CD99L2: variants seen among roughly 807,000 people sequenced by gnomAD.
CD99L2 encodes CD99 antigen-like protein 2.
Under a neutral mutation model 27.3 loss-of-function variants are expected in CD99L2, and 24 were observed. The ratio of observed to expected loss-of-function variants is 0.88; its 90% CI spans 0.64 to 1.24. The LOEUF (loss-of-function observed/expected upper bound fraction) is 1.24. Among genes scored for constraint, CD99L2 ranks in the 50% most tolerant of loss-of-function variants. The pLI, the probability that CD99L2 is intolerant of heterozygous loss-of-function variation, is 0.00. For missense variants in CD99L2, 255 were observed against 221.6 expected, an observed-to-expected ratio of 1.15 and a Z score of -0.96; for synonymous variants, 97 against 87.9, an observed-to-expected ratio of 1.10 and a Z score of -0.58.
chrX:150,793,045 T>G (rs1569565916), intron 7 of CD99L2, among the ~76,000 whole-genome samples: 1 of 111,705 alleles, frequency 9.0e-6, no homozygotes. Flanking sequence ...TTTATAGACC[T>G]ACCCATACTC....
intron 1 of CD99L2, among the ~76,000 whole-genome samples, chrX:150,893,514 C>T (rs150898287): frequency 5.3e-4 from 58 of 108,752 alleles, no homozygotes; most frequent in African/African-American, 1.8e-3. Flanking sequence ...TCTGCTCTTA[C>T]GCCCCCCGAA....
chrX:150,815,901 T>C (rs969239996), intron 3 of CD99L2, 106 bp downstream of exon 3: 1 of 785,031 alleles, frequency 1.3e-6, no homozygotes, highest in Non-Finnish European at 2.0e-6. Flanking sequence ...CTTGATTGTT[T>C]CTGCACACAT....
At position 150,768,793 on chromosome X, in the gene CD99L2, G is replaced by C; in HGVS notation, c.*241C>G. The stretch of plus-strand genomic sequence containing the variant: ...GGGAGTTGGTGGCTCAGCAGCTCCC[G>C]AGGCTGGTGCTGGCTTTCTATCAGA... On this transcript the variant is annotated 3_prime_UTR_variant, in exon 11 of 11. Transcript: ENST00000370377. The C allele has an allele frequency of 6.8e-6, 5 of 734,378 alleles. No homozygotes were observed. The highest frequency in any genetic ancestry group is 7.1e-6 in the Non-Finnish European group (4 of 562,799). The allele number at this position is 734,378 out of a possible 1,213,427, so 60.5% of individuals were successfully genotyped here.
At chrX:150,865,280 T>C (rs1213941626) in intron 1 of CD99L2, among the ~76,000 whole-genome samples, 1 of 109,280 alleles carries the variant, frequency 9.2e-6, no homozygotes, top group Non-Finnish European at 1.9e-5. Context: ...GGAGGATCTC[T>C]TGAGGCCAAG....
intron 7 of CD99L2, 131 bp downstream of exon 7, chrX:150,793,560 G>T (rs1160554757): frequency 2.0e-6 from 1 of 500,935 alleles, no homozygotes; most frequent in Non-Finnish European, 3.2e-6. Flanking sequence ...CATTCCAAAT[G>T]AACCCCAACT....
At position 150,769,272 on chromosome X, in the gene CD99L2, G is replaced by A. The variant is rs375980333; in HGVS notation, c.722-171C>T. On this transcript the variant is annotated intron_variant, in intron 10 of 10. Coordinates refer to ENST00000370377, the MANE Select transcript of CD99L2 (RefSeq NM_031462.4). ...TGGGAGCAGTTTTGGGCCGGTCAAG[G>A]GGAGAGAAAGAGAAAGCTGGACAGG... Among the ~76,000 whole-genome samples, 60 of 112,200 alleles carry A rather than the reference G, an allele frequency of 5.3e-4. 1 individual carries two copies. In the South Asian group the frequency reaches 0.021, roughly 39 times the overall value.
chrX:150,898,651 G>A lies in CD99L2; in HGVS notation c.-63C>T. ...TAGCGCGAGAGCGCCCGAAGGGGAGGCCGAGGAGGAGCGGGAGGAGGAGCC... is the reference window on the plus strand; with the variant it reads ...TAGCGCGAGAGCGCCCGAAGGGGAGACCGAGGAGGAGCGGGAGGAGGAGCC... On this transcript the variant is annotated 5_prime_UTR_variant, in exon 1 of 11. Transcript: ENST00000370377. 4 of 1,000,822 alleles carry A rather than the reference G, an allele frequency of 4.0e-6. No individual in the cohort carries two copies. Among genetic ancestry groups the A allele is most frequent in the Non-Finnish European group, 5.2e-6 (4 of 769,078 alleles). 82.5% of individuals were successfully genotyped at this position (1,000,822 alleles called of 1,213,427 possible).
intron 1 of CD99L2, among the ~76,000 whole-genome samples, chrX:150,848,824 TG>T (rs1557421532): frequency 1.8e-5 from 2 of 111,566 alleles, no homozygotes; most frequent in African/African-American, 6.5e-5. Context: ...ATTCATTCGT[TG>T]GAAGAGTCAC....
chrX:150,775,516 T>C (rs2043533931), intron 9 of CD99L2, among the ~76,000 whole-genome samples: 1 of 112,709 alleles, frequency 8.9e-6, no homozygotes, highest in South Asian at 3.6e-4. Flanking sequence ...GACTCACAGC[T>C]ACAGCATGAG....
chrX:150,886,843 G>A (rs1004008691), intron 1 of CD99L2, among the ~76,000 whole-genome samples: 2 of 111,675 alleles, frequency 1.8e-5, no homozygotes, highest in Non-Finnish European at 3.8e-5. Flanking sequence ...CAGTGCCATG[G>A]TTGAAAAACT....
chrX:150,824,640 GAGA>G (rs369112631), intron 2 of CD99L2, among the ~76,000 whole-genome samples: 3,500 of 64,623 alleles, frequency 0.054, 196 homozygotes, highest in African/African-American at 0.18. Flanking sequence ...GAAGAAGGAG[GAGA>G]AGAAGAAGAA....
chrX:150,805,041 A>T (rs2045973372), intron 4 of CD99L2, among the ~76,000 whole-genome samples: 1 of 111,587 alleles, frequency 9.0e-6, no homozygotes. Context: ...ATAAAACAAA[A>T]TAAAAATAAA....
chrX:150,794,644 G>C (rs2045759769), intron 6 of CD99L2, among the ~76,000 whole-genome samples: 1 of 112,132 alleles, frequency 8.9e-6, no homozygotes, highest in African/African-American at 3.2e-5. Context: ...TTGGGGCCAA[G>C]TTTTGGTGTC....
chrX:150,824,092 AGAAGAAGGAAGAAG>A (rs201141503), intron 2 of CD99L2, among the ~76,000 whole-genome samples: 23 of 70,813 alleles, frequency 3.2e-4, no homozygotes, highest in East Asian at 4.4e-4. Context: ...AGAAGAAGAA[AGAAGAAGGAAGAAG>A]GAAGAAGGAA....
intron 2 of CD99L2, among the ~76,000 whole-genome samples, chrX:150,820,270 A>C (rs1227882267): frequency 9.0e-6 from 1 of 110,632 alleles, no homozygotes; most frequent in African/African-American, 3.3e-5. Flanking sequence ...AGGAGAAAAA[A>C]AAAAAAAAGA....
At chrX:150,842,256 G>C (rs782104761) in intron 1 of CD99L2, among the ~76,000 whole-genome samples, 1 of 112,253 alleles carries the variant, frequency 8.9e-6, no homozygotes, top group South Asian at 3.7e-4. Context: ...CATAAGAAAA[G>C]TGCTGTTTCC....
At chrX:150,774,280 C>A (rs1283793154) in intron 9 of CD99L2, among the ~76,000 whole-genome samples, 3 of 111,904 alleles carry the variant, frequency 2.7e-5, no homozygotes, top group Admixed American at 9.5e-5. Context: ...CCCAAGAGGC[C>A]ACCTTGAGAA....
chrX:150,828,707 C>T (rs1437633996), intron 2 of CD99L2: 1 of 111,243 alleles, frequency 9.0e-6, no homozygotes, highest in African/African-American at 3.3e-5. Flanking sequence ...ATTATTTTGT[C>T]CATCATATTG....
chrX:150,898,642 GA>G lies in CD99L2; in HGVS notation c.-55del. 1 of 1,031,223 alleles carries G rather than the reference GA, an allele frequency of 9.7e-7. No homozygotes were observed. The highest frequency in any genetic ancestry group is 2.3e-5 in the South Asian group (1 of 42,951). The allele number at this position is 1,031,223 out of a possible 1,213,427, so 85.0% of individuals were successfully genotyped here. On this transcript the variant is annotated 5_prime_UTR_variant, in exon 1 of 11. Transcript: ENST00000370377. ...GAGCACAGTTAGCGCGAGAGCGCCC[GA>G]AGGGGAGGCCGAGGAGGAGCGGGAG...
Sources: allele counts gnomAD v4.1 joint callset (sites outside exome capture counted in the v4.1 genomes callset), GRCh38; gene constraint gnomAD v4.1.1; transcripts MANE v1.5; gene names NCBI Gene and HGNC (gene_info 2026-07-23, HGNC 2026-07-21).